Variants in MYO16 observed in about 807,000 individuals in gnomAD.
MYO16 encodes the protein unconventional myosin-XVI.
In MYO16, 94 loss-of-function variants were observed where a neutral mutation model predicts 205.3. The observed-to-expected ratio is 0.46, with a 90% CI of 0.39 to 0.54. The LOEUF is 0.54. Among genes scored for constraint, MYO16 ranks in the 20% least tolerant of loss-of-function variants. The pLI is 0.00. For missense variants in MYO16, 2,315 were observed against 2,387.5 expected (o/e 0.97, Z 0.63); for synonymous variants, 988 against 954.0 (o/e 1.04, Z -0.66).
At chr13:108,664,669 T>C (rs1881646369) in intron 1 of MYO16, among the ~76,000 whole-genome samples, 1 of 152,214 alleles carries the variant, frequency 6.6e-6, no homozygotes, top group African/African-American at 2.4e-5. Flanking sequence ...CCTGATATCA[T>C]AAATAGCTTA....
chr13:108,986,486 G>GA (rs1884638670), intron 20 of MYO16, among the ~76,000 whole-genome samples: 2 of 151,850 alleles, frequency 1.3e-5, no homozygotes, highest in Non-Finnish European at 2.9e-5. Context: ...GCTGTGTGTG[G>GA]TGGCACATGC....
intron 11 of MYO16, among the ~76,000 whole-genome samples, chr13:108,865,125 A>T (rs752056153): frequency 6.6e-6 from 1 of 152,114 alleles, no homozygotes; most frequent in Non-Finnish European, 1.5e-5. Context: ...GTGTGACTCA[A>T]ATCTTTTAAG....
intron 2 of MYO16, among the ~76,000 whole-genome samples, chr13:108,701,959 A>G (rs9559385): frequency 1.3e-5 from 2 of 152,170 alleles, no homozygotes; most frequent in Non-Finnish European, 1.5e-5. Flanking sequence ...TTAAGCTGGC[A>G]AAACAAGCAG....
chr13:108,592,659 G>A (rs1364872550), upstream of MYO16, among the ~76,000 whole-genome samples: 1 of 149,118 alleles, frequency 6.7e-6, no homozygotes, highest in Non-Finnish European at 1.5e-5. Flanking sequence ...AAGAGGGAGT[G>A]TGGAGTGGGG....
rs77542372 is a variant in MYO16, at chr13:109,133,765, G to A, written c.4051+6215G>A. Among the ~76,000 whole-genome samples, 1,058 of 152,272 alleles carry A rather than the reference G, an allele frequency of 6.9e-3. 8 individuals carry two copies. Among genetic ancestry groups the A allele is most frequent in the African/African-American group, 0.024 (1,007 of 41,554 alleles). On this transcript the variant is annotated intron_variant, in intron 31 of 34. Coordinates refer to ENST00000457511, the MANE Select transcript of MYO16 (RefSeq NM_001198950.3). ...ACAAAAAAATAAGAAAACTCTTGAT[G>A]TAAATTCATTTTTAATAACCCTCTA...
chr13:108,771,654 A>AC (rs146667519), intron 4 of MYO16, among the ~76,000 whole-genome samples: 5,293 of 152,006 alleles, frequency 0.035, 309 homozygotes, highest in African/African-American at 0.12. Flanking sequence ...GTTGATCACC[A>AC]CCCGACCCAT....
chr13:108,869,595 G>A (rs1380638313), intron 12 of MYO16, among the ~76,000 whole-genome samples: 3 of 150,154 alleles, frequency 2.0e-5, no homozygotes, highest in Middle Eastern at 3.2e-3. Flanking sequence ...GCCGGGCGTC[G>A]TGGCGGGCGT....
chr13:108,727,721 C>A, intron 4 of MYO16, 138 bp downstream of exon 4: 1 of 945,598 alleles, frequency 1.1e-6, no homozygotes, highest in Non-Finnish European at 1.5e-6. Context: ...CTCCCTAGAA[C>A]ACAAGATAAT....
At chr13:108,520,316 A>G in the MYO16 span, among the ~76,000 whole-genome samples, 2 of 152,214 alleles carry the variant, frequency 1.3e-5, no homozygotes, top group African/African-American at 2.4e-5. Context: ...TGCATACACA[A>G]TTATGTATCT....
At chr13:109,053,772 C>T (rs1366384296) in intron 25 of MYO16, among the ~76,000 whole-genome samples, 1 of 152,086 alleles carries the variant, frequency 6.6e-6, no homozygotes, top group Non-Finnish European at 1.5e-5. Flanking sequence ...CATCCATGCA[C>T]AGCCACCCCT....
intron 11 of MYO16, among the ~76,000 whole-genome samples, chr13:108,863,684 A>G (rs1180704692): frequency 1.3e-5 from 2 of 151,974 alleles, no homozygotes; most frequent in Non-Finnish European, 2.9e-5. Context: ...GTCTAATGTC[A>G]ATTTTGTGTG....
At chr13:108,899,795 C>T (rs1003853053) in intron 15 of MYO16, among the ~76,000 whole-genome samples, 19 of 152,206 alleles carry the variant, frequency 1.2e-4, no homozygotes, top group East Asian at 3.8e-4. Flanking sequence ...TTGAAAGCTC[C>T]GTGTTCCAGC....
the MYO16 span, among the ~76,000 whole-genome samples, chr13:108,542,665 G>T: frequency 6.6e-6 from 1 of 152,040 alleles, no homozygotes; most frequent in African/African-American, 2.4e-5. Flanking sequence ...TTATATAAAT[G>T]TGGCTATTGA....
chr13:108,715,394 T>C (rs1883902538), intron 3 of MYO16, among the ~76,000 whole-genome samples: 2 of 152,204 alleles, frequency 1.3e-5, no homozygotes, highest in South Asian at 4.1e-4. Context: ...TCCTTTATCT[T>C]GTTCTTTCCC....
chr13:108,869,718 G>C (rs367772495), intron 12 of MYO16, among the ~76,000 whole-genome samples: 1 of 119,810 alleles, frequency 8.3e-6, no homozygotes, highest in Admixed American at 1.0e-4. Flanking sequence ...GCGACAGAGC[G>C]AGACTCCGTT....
intron 33 of MYO16, among the ~76,000 whole-genome samples, chr13:109,169,535 C>A (rs1878843516): frequency 6.6e-6 from 1 of 151,772 alleles, no homozygotes; most frequent in Non-Finnish European, 1.5e-5. Context: ...GACATCAATA[C>A]AGATCTGGCT....
At chr13:109,010,952 TAATATTATA>T (rs1270934082) in intron 22 of MYO16, among the ~76,000 whole-genome samples, 1 of 131,970 alleles carries the variant, frequency 7.6e-6, no homozygotes, top group Non-Finnish European at 1.6e-5. Context: ...ATATTACATA[TAATATTATA>T]TATATATATA....
intron 27 of MYO16, among the ~76,000 whole-genome samples, chr13:109,068,333 G>A (rs75642087): frequency 0.025 from 3,790 of 152,278 alleles, 66 homozygotes; most frequent in Non-Finnish European, 0.038. Flanking sequence ...TTTAGGAAGT[G>A]GGAAAGGTTA....
At chr13:108,608,511 A>G (rs1007323702) in intron 1 of MYO16, among the ~76,000 whole-genome samples, 1 of 152,106 alleles carries the variant, frequency 6.6e-6, no homozygotes, top group African/African-American at 2.4e-5. Context: ...ATCTTAACCT[A>G]TTCCTGACTT....
Sources: gnomAD v4.1 joint callset for allele counts (sites outside exome capture counted in the v4.1 genomes callset) on GRCh38, gnomAD v4.1.1 for gene constraint, MANE v1.5 for transcripts, NCBI Gene and HGNC (gene_info 2026-07-23, HGNC 2026-07-21) for gene names.